The following ADORA2B variants were observed in gnomAD, a reference collection of about 807,000 sequenced individuals.
ADORA2B encodes adenosine A2b receptor.
A neutral mutation model predicts 20.8 loss-of-function variants in ADORA2B; 18 were observed. The observed-to-expected ratio is 0.87, with a 90% CI of 0.60 to 1.29. ADORA2B has a LOEUF of 1.29. ADORA2B is among the 50% of genes most tolerant of loss of function. ADORA2B has a pLI of 0.00. For missense variants in ADORA2B, 441 were observed against 422.7 expected (o/e 1.04, Z -0.38); for synonymous variants, 179 against 178.3 (o/e 1.00, Z -0.03).
In ADORA2B at chr17:15,975,111, C is replaced by T. The variant is rs1970236826; in HGVS notation, c.768C>T (p.Val256=). The change falls in exon 2 of 2, where the codon GTC becomes GTT. Residue 256 remains valine (V), a synonymous_variant. Coordinates refer to ENST00000304222, the MANE Select transcript of ADORA2B (RefSeq NM_000676.4). The part of the protein sequence containing the change: ...CWLPVHAVNC[V]TLFQPAQGKN... ...TACCTGTGCATGCTGTTAACTGTGT[C>T]ACTCTTTTCCAGCCAGCTCAGGGTA... 3 of 1,614,172 alleles carry T rather than the reference C, an allele frequency of 1.9e-6. No homozygotes were observed. The highest frequency in any genetic ancestry group is 2.2e-5 in the East Asian group (1 of 44,884).
chr17:15,930,321 G>A, the ADORA2B span, among the ~76,000 whole-genome samples: 6 of 147,974 alleles, frequency 4.1e-5, no homozygotes, highest in African/African-American at 1.5e-4. Flanking sequence ...TTTTGAGACA[G>A]GGTCTCACTC....
At chr17:15,856,010 C>T in the ADORA2B span, among the ~76,000 whole-genome samples, 1 of 152,092 alleles carries the variant, frequency 6.6e-6, no homozygotes, top group Admixed American at 6.6e-5. Context: ...AGTTTGACTA[C>T]TTTAGATTCT....
At chr17:15,969,568 TC>T (rs1970163245) in intron 1 of ADORA2B, among the ~76,000 whole-genome samples, 1 of 152,196 alleles carries the variant, frequency 6.6e-6, no homozygotes, top group African/African-American at 2.4e-5. Context: ...ATCCCACTCT[TC>T]CTTTAATCCT....
At chr17:15,939,290 C>T in the ADORA2B span, among the ~76,000 whole-genome samples, 1 of 152,290 alleles carries the variant, frequency 6.6e-6, no homozygotes, top group Non-Finnish European at 1.5e-5. Flanking sequence ...ATCCTCCCTC[C>T]TCTGCCTCCC....
the ADORA2B span, among the ~76,000 whole-genome samples, chr17:15,885,334 T>C: frequency 6.6e-6 from 1 of 152,176 alleles, no homozygotes; most frequent in Non-Finnish European, 1.5e-5. Flanking sequence ...TGGCTGTTCT[T>C]TGGGGCAATG....
At chr17:15,955,579 G>A (rs1266354699) in intron 1 of ADORA2B, among the ~76,000 whole-genome samples, 2 of 151,526 alleles carry the variant, frequency 1.3e-5, no homozygotes, top group Non-Finnish European at 2.9e-5. Flanking sequence ...GCTGTATTTT[G>A]TATTTTTTAG....
At chr17:15,873,782 T>C in the ADORA2B span, among the ~76,000 whole-genome samples, 2 of 152,186 alleles carry the variant, frequency 1.3e-5, no homozygotes, top group Non-Finnish European at 2.9e-5. Flanking sequence ...GGAACGCTTA[T>C]ACACTACTGG....
At chr17:15,860,954 G>A in the ADORA2B span, 1 of 153,328 alleles carries the variant, frequency 6.5e-6, no homozygotes, top group African/African-American at 2.4e-5. Flanking sequence ...ACCTCCACCA[G>A]AGGGAAAGTG....
chr17:15,918,646 ATT>A, the ADORA2B span, among the ~76,000 whole-genome samples: 1 of 151,834 alleles, frequency 6.6e-6, no homozygotes, highest in East Asian at 1.9e-4. Flanking sequence ...TGATTTTTGT[ATT>A]TTTAGTAGAT....
chr17:15,959,555 C>A (rs1312245274), intron 1 of ADORA2B, among the ~76,000 whole-genome samples: 1 of 135,284 alleles, frequency 7.4e-6, no homozygotes, highest in South Asian at 2.3e-4. Flanking sequence ...GGCTGGGGTG[C>A]AATGGCGCGA....
upstream of ADORA2B, among the ~76,000 whole-genome samples, chr17:15,942,676 G>A (rs1224522097): frequency 2.6e-5 from 4 of 152,110 alleles, no homozygotes; most frequent in Non-Finnish European, 4.4e-5. Flanking sequence ...GACACCGTTC[G>A]CCTCCTCTCC....
At chr17:15,888,593 C>T in the ADORA2B span, among the ~76,000 whole-genome samples, 2 of 125,530 alleles carry the variant, frequency 1.6e-5, 1 homozygote, top group Non-Finnish European at 3.3e-5. Flanking sequence ...ACATCTTTAA[C>T]CTATCACATA....
chr17:15,973,954 T>C (rs1336037177), intron 1 of ADORA2B: 1 of 152,204 alleles, frequency 6.6e-6, no homozygotes, highest in African/African-American at 2.4e-5. Context: ...GAGCAAAGAA[T>C]GATTCACAAA....
upstream of ADORA2B, among the ~76,000 whole-genome samples, chr17:15,941,344 C>T (rs567920856): frequency 6.6e-6 from 1 of 152,322 alleles, no homozygotes; most frequent in East Asian, 1.9e-4. Context: ...GATTAATTGA[C>T]TTGTCCAACA....
At chr17:15,851,931 T>G in the ADORA2B span, among the ~76,000 whole-genome samples, 1 of 152,256 alleles carries the variant, frequency 6.6e-6, no homozygotes, top group African/African-American at 2.4e-5. Flanking sequence ...ATTTTCACAC[T>G]CTATAAATTT....
intron 1 of ADORA2B, among the ~76,000 whole-genome samples, 198 bp downstream of exon 1, chr17:15,945,781 ATGCGCG>A (rs772704634): frequency 1.3e-5 from 2 of 151,406 alleles, no homozygotes; most frequent in African/African-American, 2.4e-5. Context: ...GACATCCCAG[ATGCGCG>A]TCGCTCTAAG....
At chr17:15,902,947 G>T in the ADORA2B span, among the ~76,000 whole-genome samples, 1 of 152,328 alleles carries the variant, frequency 6.6e-6, no homozygotes, top group African/African-American at 2.4e-5. Context: ...CTGGGATGCA[G>T]ATAGTGTGCT....
At chr17:15,972,372 C>G (rs1970199294) in intron 1 of ADORA2B, among the ~76,000 whole-genome samples, 1 of 152,132 alleles carries the variant, frequency 6.6e-6, no homozygotes, top group Non-Finnish European at 1.5e-5. Flanking sequence ...GTTTTCTCTT[C>G]CAGAGATTAC....
the ADORA2B span, among the ~76,000 whole-genome samples, chr17:15,888,214 C>T: frequency 7.8e-6 from 1 of 128,848 alleles, no homozygotes; most frequent in Admixed American, 7.7e-5. Flanking sequence ...GTTGCTATTG[C>T]TGTAGAGCAG....
Sources: gnomAD v4.1 joint callset for allele counts (sites outside exome capture counted in the v4.1 genomes callset) on GRCh38, gnomAD v4.1.1 for gene constraint, MANE v1.5 for transcripts, NCBI Gene and HGNC (gene_info 2026-07-23, HGNC 2026-07-21) for gene names.